The following ATG2A variants were observed in gnomAD, a reference collection of about 807,000 sequenced individuals.
ATG2A encodes the protein autophagy related 2A, also known as autophagy-related protein 2 homolog A.
ATG2A carries 103 observed loss-of-function variants against 214.2 expected under a neutral mutation model. The ratio of observed to expected loss-of-function variants is 0.48; its 90% confidence interval spans 0.41 to 0.57. ATG2A has a LOEUF of 0.57. Ranked by LOEUF, ATG2A falls within the 20% of genes least tolerant of loss-of-function variation. ATG2A has a pLI of 0.00. For missense variants in ATG2A, 2,312 were observed against 2,613.2 expected, an observed-to-expected ratio of 0.88 and a Z score of 2.51; for synonymous variants, 1,160 against 1,142.1, an observed-to-expected ratio of 1.02 and a Z score of -0.32.
At position 64,895,127 on chromosome 11, in the gene ATG2A, C is replaced by G; in HGVS notation, c.5663G>C (p.Gly1888Ala). 1 of 1,612,962 alleles carries G rather than the reference C, an allele frequency of 6.2e-7. No homozygotes were observed. The highest frequency in any genetic ancestry group is 8.5e-7 in the Non-Finnish European group (1 of 1,179,756). Residue 1888 changes from glycine (G) to alanine (A), a missense_variant, in exon 41 of 41, where the codon GGC becomes GCC. By Grantham distance (60) the Gly-to-Ala change is moderately conservative. Coordinates refer to ENST00000377264, the MANE Select transcript of ATG2A (RefSeq NM_015104.3). The surrounding 1 kb of genome is among the most constrained non-coding windows in gnomAD (Gnocchi z 5.0). Reference protein sequence around the residue: ...EQKGLTGAVGGVIRQLPPTVV... With the variant: ...EQKGLTGAVGAVIRQLPPTVV... ...AGTCGGGGGCAGCTGGCGGATCACG[C>G]CCCCCACGGCGCCCGTCAGCCCCTT...
At position 64,903,597 on chromosome 11, in the gene ATG2A, C is replaced by G. The variant is rs756235036; in HGVS notation, c.3528G>C (p.Leu1176=). Residue 1176 remains leucine, a synonymous_variant, in exon 25 of 41, where the codon CTG becomes CTC. Transcript: ENST00000377264. This position sits in a 1 kb window ranked among gnomAD's most constrained non-coding sequence, Gnocchi z 4.2. ...AGTCCCGGCCCTGCCCACCTCGCCG[C>G]AGGTCCAGGGTCTCCACCTCACACT... The part of the protein sequence containing the change: ...SDKCEVETLD[L]RRDYVCVLDV... 6.5e-7 allele frequency: 1 copy of G among 1,548,218 alleles called. No individual in the cohort carries two copies. Among genetic ancestry groups the G allele is most frequent in the South Asian group, 1.2e-5 (1 of 84,004 alleles).
At chr11:64,900,433 G>A (rs1180919184) in intron 31 of ATG2A, 61 bp downstream of exon 31, 23 of 1,607,930 alleles carry the variant, frequency 1.4e-5, no homozygotes, top group South Asian at 3.3e-5. Context: ...ACGTGACATC[G>A]AGAACAAGGC....
chr11:64,911,342 T>C, intron 9 of ATG2A, 67 bp from the exon 10 acceptor site: 1 of 1,525,966 alleles, frequency 6.6e-7, no homozygotes, highest in Non-Finnish European at 9.0e-7. Flanking sequence ...GAGCAATAGT[T>C]TGCCACCAGG....
At chr11:64,900,470 G>C (rs1944313282) in intron 31 of ATG2A, 24 bp downstream of exon 31, 7 of 1,612,784 alleles carry the variant, frequency 4.3e-6, no homozygotes, top group Non-Finnish European at 5.9e-6. Flanking sequence ...CACACGTGTA[G>C]TAGGCACTCG....
intron 29 of ATG2A, among the ~76,000 whole-genome samples, chr11:64,901,367 T>TC: frequency 6.6e-6 from 1 of 152,138 alleles, no homozygotes; most frequent in Admixed American, 6.5e-5. Flanking sequence ...TTTTATTTTT[T>TC]GTAGAGACGG....
Position 64,911,112 on chromosome 11 carries a change from A to G in ATG2A, c.1392T>C (p.Asp464=), listed in dbSNP as rs1236465507. The G allele has an allele frequency of 6.2e-7, 1 of 1,614,006 alleles. No individual in the cohort carries two copies. The highest frequency in any genetic ancestry group is 1.3e-5 in the African/African-American group (1 of 74,940). The part of the protein sequence containing the change: ...HFFTEFDATK[D]GPFGSRDFHH... ...GGAAGTCTCGGGAACCGAAGGGCCC[A>G]TCCTTGGTGGCATCAAACTCGGTGA... Residue 464 remains aspartate (D), a synonymous_variant, in exon 10 of 41, where the codon GAT becomes GAC. Transcript: ENST00000377264.
chr11:64,910,862 A>G lies in ATG2A; in HGVS notation c.1559T>C (p.Leu520Pro). The change falls in exon 11 of 41, where the codon CTG becomes CCG. Residue 520 changes from leucine to proline, a missense_variant. Transcript: ENST00000377264. ...TTSMEVHFGQLEVLECLWPRG... is the reference protein window; with the variant it reads ...TTSMEVHFGQPEVLECLWPRG... ...GGGCCACAGACACTCCAGCACCTCC[A>G]GCTGCCCGAAGTGCACTTCCATGCT... The G allele has an allele frequency of 6.2e-7, 1 of 1,608,758 alleles. No homozygotes were observed. The highest frequency in any genetic ancestry group is 8.5e-7 in the Non-Finnish European group (1 of 1,178,124).
intron 1 of ATG2A, 117 bp from the exon 2 acceptor site, chr11:64,914,617 C>T (rs1335236466): frequency 2.7e-5 from 35 of 1,316,794 alleles, no homozygotes; most frequent in Non-Finnish European, 3.4e-5. Context: ...TGTCCCTCCA[C>T]GTGTTATCTA....
chr11:64,913,816 C>T lies in ATG2A; in HGVS notation c.590+5G>A. ...CCAGTCCACCCCAGATCGGCCTGCC[C>T]TTACCTCTGCACACGGACCTCGACG... On this transcript the variant is annotated splice_donor_5th_base_variant and intron_variant, in intron 4 of 40. Coordinates refer to ENST00000377264, the MANE Select transcript of ATG2A (RefSeq NM_015104.3). This position sits in a 1 kb window ranked among gnomAD's most constrained non-coding sequence, Gnocchi z 4.3. 1 of 1,612,610 alleles carries T rather than the reference C, an allele frequency of 6.2e-7. No individual in the cohort carries two copies. The highest frequency in any genetic ancestry group is 8.5e-7 in the Non-Finnish European group (1 of 1,179,874).
In ATG2A at chr11:64,912,373, C is replaced by T; in HGVS notation, c.876G>A (p.Arg292=). 3 of 1,546,542 alleles carry T rather than the reference C, an allele frequency of 1.9e-6. No homozygotes were observed. Among genetic ancestry groups the T allele is most frequent in the Non-Finnish European group, 2.6e-6 (3 of 1,144,610 alleles). Residue 292 remains arginine (R), a synonymous_variant, in exon 7 of 41, where the codon AGG becomes AGA. Coordinates refer to ENST00000377264, the MANE Select transcript of ATG2A (RefSeq NM_015104.3). ...LGSLHLLLTP[R]QLQQLQELLS... Reference sequence around the variant, plus strand: ...GCAGTTCCTGAAGTTGCTGGAGCTGCCTCGGGGTCAGGAGCAGGTGCAGGG... The same window carrying T: ...GCAGTTCCTGAAGTTGCTGGAGCTGTCTCGGGGTCAGGAGCAGGTGCAGGG...
intron 9 of ATG2A, 67 bp downstream of exon 9, chr11:64,911,775 C>A: frequency 6.3e-7 from 1 of 1,591,448 alleles, no homozygotes; most frequent in Non-Finnish European, 8.6e-7. Context: ...CCTCTGACAG[C>A]CCACGGCACT....
In ATG2A at chr11:64,913,483, C is replaced by T; in HGVS notation, c.591-82G>A. 1.4e-6 allele frequency: 2 copies of T among 1,453,204 alleles called. No individual in the cohort carries two copies. Among genetic ancestry groups the T allele is most frequent in the Non-Finnish European group, 9.1e-7 (1 of 1,097,466 alleles). The allele number at this position is 1,453,204 out of a possible 1,614,324, so 90.0% of individuals were successfully genotyped here. ...TCCACACAGTGCTCTGCTCTAGGGG[C>T]ACGGGGTCAGGGAGCCTAGCCTGCA... On this transcript the variant is annotated intron_variant, in intron 4 of 40. Transcript: ENST00000377264. This position sits in a 1 kb window ranked among gnomAD's most constrained non-coding sequence, Gnocchi z 4.3.
At chr11:64,905,718 C>G (rs1350710587) in intron 23 of ATG2A, 24 bp downstream of exon 23, 1 of 1,613,700 alleles carries the variant, frequency 6.2e-7, no homozygotes, top group Admixed American at 1.7e-5. Context: ...CCGTCCCCAG[C>G]CCCTGGCCCA....
In ATG2A at chr11:64,898,373, A is replaced by G. The variant is rs745609823; in HGVS notation, c.4672-11T>C. The G allele has an allele frequency of 1.9e-6, 3 of 1,587,754 alleles. No homozygotes were observed. The highest frequency in any genetic ancestry group is 3.7e-5 in the Admixed American group (2 of 54,690). On this transcript the variant is annotated splice_polypyrimidine_tract_variant and intron_variant, in intron 32 of 40. Transcript: ENST00000377264. The surrounding 1 kb of genome is among the most constrained non-coding windows in gnomAD (Gnocchi z 4.5). ...CGCTTTGATGGTGAGCTGGGAGCAG[A>G]GGGTGAGTTCTGGACACCTGCTGGG...
rs370557002 is a variant in ATG2A at position 64,902,684 on chromosome 11, C to T, written c.3613-4G>A. 6.9e-6 allele frequency: 11 copies of T among 1,603,750 alleles called. No homozygotes were observed. The highest frequency in any genetic ancestry group is 1.3e-5 in the African/African-American group (1 of 74,616). On this transcript the variant is annotated splice_region_variant and splice_polypyrimidine_tract_variant and intron_variant, in intron 26 of 40. Transcript: ENST00000377264. ...GCAGCTCGAATAGTGGCTGGCTCTG[C>T]AGGGGCGGGGTGGGGGGAGCAGCTA...
Position 64,913,798 on chromosome 11 carries a change from AC to A in ATG2A, c.590+22del. ...CCACTCCCCATCTTCACACCAGTCC[AC>A]CCCAGATCGGCCTGCCCTTACCTCT... On this transcript the variant is annotated intron_variant, in intron 4 of 40. Coordinates refer to ENST00000377264, the MANE Select transcript of ATG2A (RefSeq NM_015104.3). This position sits in a 1 kb window ranked among gnomAD's most constrained non-coding sequence, Gnocchi z 4.3. 1 of 1,607,092 alleles carries A rather than the reference AC, an allele frequency of 6.2e-7. No homozygotes were observed.
rs575968970 is a variant in ATG2A at position 64,898,484 on chromosome 11, C to T, written c.4672-122G>A. On this transcript the variant is annotated intron_variant, in intron 32 of 40. Coordinates refer to ENST00000377264, the MANE Select transcript of ATG2A (RefSeq NM_015104.3). This position sits in a 1 kb window ranked among gnomAD's most constrained non-coding sequence, Gnocchi z 4.5. Reference sequence around the variant, plus strand: ...GAACACGCTGTTCCCTTCGCTAACACAGCCCCTAGCTCTGCCCTTCTCCCA... The same window carrying T: ...GAACACGCTGTTCCCTTCGCTAACATAGCCCCTAGCTCTGCCCTTCTCCCA... 3.1e-6 allele frequency: 4 copies of T among 1,311,226 alleles called. No individual in the cohort carries two copies. The highest frequency in any genetic ancestry group is 1.1e-6 in the Non-Finnish European group (1 of 948,080). 81.2% of individuals were successfully genotyped at this position (1,311,226 alleles called of 1,614,324 possible).
In ATG2A at chr11:64,913,815, C is replaced by T; in HGVS notation, c.590+6G>A. On this transcript the variant is annotated splice_donor_region_variant and intron_variant, in intron 4 of 40. Coordinates refer to ENST00000377264, the MANE Select transcript of ATG2A (RefSeq NM_015104.3). This position sits in a 1 kb window ranked among gnomAD's most constrained non-coding sequence, Gnocchi z 4.3. The stretch of plus-strand genomic sequence containing the variant: ...ACCAGTCCACCCCAGATCGGCCTGC[C>T]CTTACCTCTGCACACGGACCTCGAC... The T allele has an allele frequency of 6.2e-7, 1 of 1,612,578 alleles. No individual in the cohort carries two copies. The highest frequency in any genetic ancestry group is 1.3e-5 in the African/African-American group (1 of 75,028).
chr11:64,909,124 G>T lies in ATG2A; in HGVS notation c.2231C>A (p.Ser744Tyr). The T allele has an allele frequency of 3.7e-6, 6 of 1,611,854 alleles. No individual in the cohort carries two copies. Among genetic ancestry groups the T allele is most frequent in the South Asian group, 3.3e-5 (3 of 90,886 alleles). The change falls in exon 16 of 41, where the codon TCC becomes TAC. Residue 744 changes from serine (S) to tyrosine (Y), a missense_variant. Transcript: ENST00000377264. The stretch of plus-strand genomic sequence containing the variant: ...GGCCACCTCCCACTGTGTGCTGCTG[G>T]ACTGGGGGTTCACAGTCACCACTAC... ...PQVVVTVNPQSSSTQWEVAPE... is the reference protein window; with the variant it reads ...PQVVVTVNPQYSSTQWEVAPE...
Sources: allele counts gnomAD v4.1 joint callset (sites outside exome capture counted in the v4.1 genomes callset), GRCh38; gene constraint gnomAD v4.1.1; non-coding constraint Gnocchi (gnomAD v3.1); transcripts MANE v1.5; gene names NCBI Gene and HGNC (gene_info 2026-07-23, HGNC 2026-07-21).